Variants in KAZN observed in about 807,000 individuals in gnomAD.
KAZN encodes kazrin, periplakin interacting protein, also known as kazrin.
KAZN carries 40 observed loss-of-function variants against 87.4 expected under a neutral mutation model. The ratio of observed to expected loss-of-function variants is 0.46; its 90% confidence interval spans 0.36 to 0.60. The LOEUF (loss-of-function observed/expected upper bound fraction) is 0.60. Among genes scored for constraint, KAZN ranks in the 20% least tolerant of loss-of-function variants. The pLI is 0.00. For synonymous variants in KAZN, 466 were observed against 458.3 expected (o/e 1.02, Z -0.22); for missense variants, 898 against 1,073.9 (o/e 0.84, Z 2.29).
At chr1:14,162,170 C>T (rs751515801) in intron 1 of KAZN, among the ~76,000 whole-genome samples, 17 of 152,286 alleles carry the variant, frequency 1.1e-4, no homozygotes, top group South Asian at 2.1e-4. Flanking sequence ...TATAAAAGAT[C>T]ATGTTTGTAG....
chr1:14,692,040 G>A (rs1310419472), intron 1 of KAZN: 1 of 206,496 alleles, frequency 4.8e-6, no homozygotes, highest in Non-Finnish European at 1.0e-5. Context: ...TGAACACACA[G>A]TAGTGGTAAA....
At chr1:14,417,102 G>A (rs1441140977) in intron 2 of KAZN, among the ~76,000 whole-genome samples, 1 of 151,168 alleles carries the variant, frequency 6.6e-6, no homozygotes. Flanking sequence ...TGAGGTGGGA[G>A]AATAGCTCGA....
At chr1:14,424,615 C>T (rs535126266) in intron 2 of KAZN, among the ~76,000 whole-genome samples, 16 of 152,186 alleles carry the variant, frequency 1.1e-4, no homozygotes, top group Non-Finnish European at 1.9e-4. Flanking sequence ...CACACACCAT[C>T]GTCCTAAAAG....
intron 1 of KAZN, among the ~76,000 whole-genome samples, chr1:13,940,447 T>C (rs867861188): frequency 6.6e-6 from 1 of 152,252 alleles, no homozygotes; most frequent in African/African-American, 2.4e-5. Context: ...TAGTAGTCTC[T>C]GATGATCTTT....
At chr1:14,424,474 TCTC>T (rs1183819634) in intron 2 of KAZN, among the ~76,000 whole-genome samples, 3 of 152,062 alleles carry the variant, frequency 2.0e-5, no homozygotes, top group Admixed American at 6.5e-5. Flanking sequence ...GCGAGTGCCT[TCTC>T]CTGCAAGACT....
intron 2 of KAZN, among the ~76,000 whole-genome samples, chr1:14,299,621 A>C (rs1027671320): frequency 6.6e-6 from 1 of 152,238 alleles, no homozygotes; most frequent in African/African-American, 2.4e-5. Flanking sequence ...TTGCAACAGC[A>C]GATGTCGCAC....
chr1:14,857,581 G>A (rs1650283939), intron 1 of KAZN, among the ~76,000 whole-genome samples: 1 of 151,934 alleles, frequency 6.6e-6, no homozygotes, highest in South Asian at 2.1e-4. Flanking sequence ...ATTTGAAAGG[G>A]GCCTCCTTGG....
rs201170471 is a variant in KAZN, at chr1:14,599,076, C to A, written c.79C>A (p.Arg27=). ...GGCCAGCCAGGAGGTGACCAACCTG[C>A]GAGCCGAACTCACGGCCACCAACCG... The part of the protein sequence containing the change: ...QSASQEVTNL[R]AELTATNRRL... The change falls in exon 1 of 15, where the codon CGA becomes AGA. Residue 27 remains arginine (R), a synonymous_variant. Coordinates refer to ENST00000376030, the MANE Select transcript of KAZN (RefSeq NM_201628.3). The surrounding 1 kb of genome is among the most constrained non-coding windows in gnomAD (Gnocchi z 4.4). 1.7e-5 allele frequency: 26 copies of A among 1,560,706 alleles called. No homozygotes were observed. The highest frequency in any genetic ancestry group is 2.2e-5 in the Non-Finnish European group (25 of 1,158,244).
At position 15,094,874 on chromosome 1, in the gene KAZN, G is replaced by A. The variant is rs778214560; in HGVS notation, c.1488G>A (p.Leu496=). The change falls in exon 10 of 15, where the codon CTG becomes CTA. Residue 496 remains leucine (L), a synonymous_variant. Transcript: ENST00000376030. The surrounding 1 kb of genome is among the most constrained non-coding windows in gnomAD (Gnocchi z 4.5). ...LQLGLGVCSS[L]HRRKLRLAIE... is the part of the protein sequence containing the mutation. ...TGGGCCTTGGGGTGTGCAGCTCCCT[G>A]CACCGGCGCAAGCTGCGCCTGGCCA... The A allele has an allele frequency of 6.4e-7, 1 of 1,550,684 alleles. No individual in the cohort carries two copies. The highest frequency in any genetic ancestry group is 1.2e-5 in the South Asian group (1 of 84,054).
intron 1 of KAZN, among the ~76,000 whole-genome samples, chr1:14,031,890 GCTT>G (rs1293435750): frequency 0.048 from 7,321 of 152,210 alleles, 606 homozygotes; most frequent in African/African-American, 0.17. Context: ...AAAGAAACTT[GCTT>G]TTCTTGTTAA....
chr1:14,419,740 G>C (rs190961854), intron 2 of KAZN, among the ~76,000 whole-genome samples: 9 of 152,194 alleles, frequency 5.9e-5, no homozygotes, highest in African/African-American at 2.2e-4. Flanking sequence ...GTGAGCGTTA[G>C]GACTCTTAAG....
intron 2 of KAZN, among the ~76,000 whole-genome samples, chr1:14,250,474 GC>G (rs149707159): frequency 0.15 from 23,452 of 151,772 alleles, 4,309 homozygotes; most frequent in African/African-American, 0.44. Flanking sequence ...TTCAAAACTT[GC>G]TTTTTACATG....
At chr1:14,847,559 G>A (rs550490653) in intron 1 of KAZN, among the ~76,000 whole-genome samples, 1 of 152,274 alleles carries the variant, frequency 6.6e-6, no homozygotes, top group South Asian at 2.1e-4. Context: ...TAGTGCTCAG[G>A]TAAGAAGAGA....
chr1:15,018,395 C>A (rs2102140588), intron 2 of KAZN, among the ~76,000 whole-genome samples: 1 of 152,140 alleles, frequency 6.6e-6, no homozygotes, highest in East Asian at 1.9e-4. Flanking sequence ...GCTCCAGGGC[C>A]CTGGCTGGGG....
intron 2 of KAZN, among the ~76,000 whole-genome samples, chr1:14,428,434 G>A (rs1172086485): frequency 2.0e-5 from 3 of 152,094 alleles, no homozygotes; most frequent in African/African-American, 7.2e-5. Flanking sequence ...ATAAAAAATA[G>A]ATATATTCAA....
chr1:14,920,911 C>T (rs79418535), intron 1 of KAZN, among the ~76,000 whole-genome samples: 12,328 of 152,158 alleles, frequency 0.081, 534 homozygotes, highest in Middle Eastern at 0.13. Context: ...ATCTCCTGGG[C>T]TCAGGGCATC....
intron 1 of KAZN, among the ~76,000 whole-genome samples, chr1:13,933,614 A>G (rs1180988432): frequency 1.3e-5 from 2 of 152,246 alleles, no homozygotes; most frequent in Non-Finnish European, 1.5e-5. Context: ...CCTTGTGGGC[A>G]TAGCTATGGA....
chr1:14,287,968 T>C (rs1653385064), intron 2 of KAZN, among the ~76,000 whole-genome samples: 1 of 152,254 alleles, frequency 6.6e-6, no homozygotes, highest in Non-Finnish European at 1.5e-5. Context: ...TGTGTTTATG[T>C]GATGGATTAC....
intron 2 of KAZN, among the ~76,000 whole-genome samples, chr1:15,007,894 G>A (rs1669193032): frequency 6.6e-6 from 1 of 152,166 alleles, no homozygotes; most frequent in African/African-American, 2.4e-5. Context: ...ATGTGCAAAA[G>A]CCTTGAGCCC....
Sources: allele counts gnomAD v4.1 joint callset (sites outside exome capture counted in the v4.1 genomes callset), GRCh38; gene constraint gnomAD v4.1.1; non-coding constraint Gnocchi (gnomAD v3.1); transcripts MANE v1.5; gene names NCBI Gene and HGNC (gene_info 2026-07-23, HGNC 2026-07-21).